BLM: variants seen among roughly 807,000 people sequenced by gnomAD.
The protein encoded by BLM is BLM RecQ like helicase.
In BLM, 95 loss-of-function variants were observed where a neutral mutation model predicts 135.3. That is an observed-to-expected ratio of 0.70 (90% CI 0.59 to 0.83). The LOEUF is 0.83. Ranked by LOEUF, BLM falls within the 40% of genes least tolerant of loss-of-function variation. The pLI is 0.00. For missense variants in BLM, 1,518 were observed against 1,663.9 expected (o/e 0.91, Z 1.53); for synonymous variants, 520 against 589.2 (o/e 0.88, Z 1.70).
At chr15:90,773,883 T>C (rs184876754) in intron 12 of BLM, among the ~76,000 whole-genome samples, 2 of 152,152 alleles carry the variant, frequency 1.3e-5, no homozygotes, top group Non-Finnish European at 2.9e-5. Flanking sequence ...CATTCATCAT[T>C]TGATGGATGT....
In BLM at chr15:90,811,537, G is replaced by A. The variant is rs1468953803; in HGVS notation, c.4076+131G>A. 11 of 1,012,696 alleles carry A rather than the reference G, an allele frequency of 1.1e-5. No individual in the cohort carries two copies. In the East Asian group the frequency reaches 2.6e-4, roughly 24 times the overall value. The allele number at this position is 1,012,696 out of a possible 1,614,324, so 62.7% of individuals were successfully genotyped here. On this transcript the variant is annotated intron_variant, in intron 21 of 21. Coordinates refer to ENST00000355112, the MANE Select transcript of BLM (RefSeq NM_000057.4). ...AAATATTGCTAATGGAATGACAGTT[G>A]TTAATGGAGTGACAATTAAGGTTTG...
rs371100621 is a variant in BLM at position 90,749,612 on chromosome 15, C to T, written c.344C>T (p.Pro115Leu). Reference protein sequence around the residue: ...KSLLPDFLQTPKEVVCTTQNT... With the variant: ...KSLLPDFLQTLKEVVCTTQNT... Reference sequence around the variant, plus strand: ...TTATTGCCAGATTTCTTGCAGACTCCGAAGGAAGTTGTATGCACTACCCAA... The same window carrying T: ...TTATTGCCAGATTTCTTGCAGACTCTGAAGGAAGTTGTATGCACTACCCAA... Residue 115 changes from proline (P) to leucine (L), a missense_variant, in exon 3 of 22, where the codon CCG (proline) becomes CTG (leucine). Pro to Leu is a moderately conservative substitution (Grantham distance 98, BLOSUM62 -3). This residue lies in a region of BLM where 724 missense variants were observed against 756.9 expected (regional missense o/e 0.96). Coordinates refer to ENST00000355112, the MANE Select transcript of BLM (RefSeq NM_000057.4). 15 of 1,614,128 alleles carry T rather than the reference C, an allele frequency of 9.3e-6. No individual in the cohort carries two copies. Among genetic ancestry groups the T allele is most frequent in the Non-Finnish European group, 1.3e-5 (15 of 1,180,024 alleles).
At chr15:90,777,993 C>A (rs1896523697) in intron 12 of BLM, among the ~76,000 whole-genome samples, 2 of 152,150 alleles carry the variant, frequency 1.3e-5, no homozygotes, top group African/African-American at 4.8e-5. Context: ...TTTATTTATC[C>A]ATTTATCAAT....
intron 1 of BLM, among the ~76,000 whole-genome samples, chr15:90,746,209 T>C (rs1383364054): frequency 2.6e-5 from 4 of 152,230 alleles, no homozygotes; most frequent in African/African-American, 9.6e-5. Flanking sequence ...TATGTATAGC[T>C]GAAACAATAT....
At chr15:90,718,597 G>A in intron 1 of BLM, among the ~76,000 whole-genome samples, 1 of 152,192 alleles carries the variant, frequency 6.6e-6, no homozygotes, top group East Asian at 1.9e-4. Flanking sequence ...TCAACATTTT[G>A]TTAGCTGGGC....
intron 17 of BLM, 99 bp from the exon 18 acceptor site, chr15:90,803,422 C>A (rs182933516): frequency 3.6e-5 from 37 of 1,040,810 alleles, no homozygotes; most frequent in Non-Finnish European, 4.8e-5. Flanking sequence ...TCTATTCCAT[C>A]TGTCCAAACC....
chr15:90,727,301 A>T (rs540495989), intron 1 of BLM, among the ~76,000 whole-genome samples: 3 of 152,182 alleles, frequency 2.0e-5, no homozygotes, highest in Non-Finnish European at 4.4e-5. Flanking sequence ...GGCATGAGCC[A>T]CTGTGCCTGG....
chr15:90,733,811 G>A (rs1291180881), intron 1 of BLM, among the ~76,000 whole-genome samples: 2 of 151,994 alleles, frequency 1.3e-5, no homozygotes, highest in Non-Finnish European at 2.9e-5. Context: ...CTTCTTGCCG[G>A]TCAACCACTT....
At chr15:90,722,112 C>G (rs1894784092) in intron 1 of BLM, among the ~76,000 whole-genome samples, 2 of 151,716 alleles carry the variant, frequency 1.3e-5, no homozygotes, top group Admixed American at 1.3e-4. Context: ...GGGTGAAACC[C>G]CATCTCTTTT....
At position 90,794,149 on chromosome 15, in the gene BLM, A is replaced by G; in HGVS notation, c.3020-18A>G. ...TTCCCCTATAAGTATGTCTTACTAT[A>G]GTCTTCATCTCTTTTAGTGGAAAAA... On this transcript the variant is annotated intron_variant, in intron 15 of 21. Coordinates refer to ENST00000355112, the MANE Select transcript of BLM (RefSeq NM_000057.4). 1 of 1,565,092 alleles carries G rather than the reference A, an allele frequency of 6.4e-7. No individual in the cohort carries two copies. Among genetic ancestry groups the G allele is most frequent in the African/African-American group, 1.4e-5 (1 of 73,994 alleles).
chr15:90,739,680 A>G (rs886665345), intron 1 of BLM, among the ~76,000 whole-genome samples: 1 of 152,218 alleles, frequency 6.6e-6, no homozygotes, highest in African/African-American at 2.4e-5. Flanking sequence ...GAGTCTGCTG[A>G]TGACAAACTA....
chr15:90,782,728 G>C (rs558013483), intron 12 of BLM, 94 bp from the exon 13 acceptor site: 6 of 934,792 alleles, frequency 6.4e-6, no homozygotes, highest in Admixed American at 4.0e-5. Flanking sequence ...CACACTGGGG[G>C]TTAGGATTTT....
At chr15:90,811,127 G>T in intron 20 of BLM, 78 bp from the exon 21 acceptor site, 1 of 1,477,052 alleles carries the variant, frequency 6.8e-7, no homozygotes, top group Non-Finnish European at 9.5e-7. Context: ...GGCCCCTGCA[G>T]CGTGTCTCTT....
rs1444037196 is a variant in BLM, at chr15:90,784,920, G to C, written c.2663-1G>C. 1.2e-6 allele frequency: 2 copies of C among 1,612,660 alleles called. No individual in the cohort carries two copies. The highest frequency in any genetic ancestry group is 2.7e-5 in the African/African-American group (2 of 74,878). On this transcript the variant is annotated splice_acceptor_variant, in intron 13 of 21. Transcript: ENST00000355112. LOFTEE classifies it high-confidence loss of function. ...TCTCAGTACTCTTGGTTTCTTGGCA[G>C]ATGATTCAGGGATAATTTACTGCCT...
chr15:90,795,629 C>T (rs1487877812), intron 16 of BLM, among the ~76,000 whole-genome samples: 5 of 151,576 alleles, frequency 3.3e-5, no homozygotes, highest in Admixed American at 6.6e-5. Flanking sequence ...GCTATCAGTT[C>T]CCTCATTCAA....
At chr15:90,718,937 A>C (rs1596191438) in intron 1 of BLM, among the ~76,000 whole-genome samples, 1 of 152,136 alleles carries the variant, frequency 6.6e-6, no homozygotes, top group East Asian at 1.9e-4. Flanking sequence ...TTGATTTTTA[A>C]ATTTTTATCT....
intron 1 of BLM, among the ~76,000 whole-genome samples, chr15:90,744,997 G>A (rs1436407561): frequency 3.3e-5 from 5 of 152,060 alleles, no homozygotes; most frequent in South Asian, 2.1e-4. Context: ...GCTGCAGTGA[G>A]TCACCACTGC....
Position 90,803,482 on chromosome 15 carries a change from G to C in BLM, c.3359-39G>C, listed in dbSNP as rs375469467. ...CTTCTATTTGAGGGTGATGATATAC[G>C]TACATTTACTCATCTTACTTCCTGT... On this transcript the variant is annotated intron_variant, in intron 17 of 21. Transcript: ENST00000355112. 1.4e-5 allele frequency: 22 copies of C among 1,571,030 alleles called. No individual in the cohort carries two copies. The South Asian group carries it at 2.2e-4, about 16-fold the overall frequency.
chr15:90,745,982 G>A (rs1055352673), intron 1 of BLM, among the ~76,000 whole-genome samples: 3 of 152,156 alleles, frequency 2.0e-5, no homozygotes, highest in Non-Finnish European at 4.4e-5. Flanking sequence ...GGAAGCTGAG[G>A]TGGGAGGATC....
Sources: gnomAD v4.1 joint callset for allele counts (sites outside exome capture counted in the v4.1 genomes callset) on GRCh38, gnomAD v4.1.1 for gene constraint, gnomAD v4.1.1 regional missense constraint, MANE v1.5 for transcripts, NCBI Gene and HGNC (gene_info 2026-07-23, HGNC 2026-07-21) for gene names.